The following GRAMD1B variants were observed in gnomAD, a reference collection of about 807,000 sequenced individuals.
GRAMD1B encodes protein Aster-B.
GRAMD1B carries 37 observed loss-of-function variants against 99.7 expected under a neutral mutation model. That is an observed-to-expected ratio of 0.37 (90% CI 0.29 to 0.49). The LOEUF (loss-of-function observed/expected upper bound fraction) is 0.49, where lower values mean the gene tolerates loss of function less well. Ranked by LOEUF, GRAMD1B falls within the 20% of genes least tolerant of loss-of-function variation. The pLI is 0.98. For missense variants in GRAMD1B, 888 were observed against 1,009.2 expected (o/e 0.88, Z 1.63); for synonymous variants, 427 against 387.6 (o/e 1.10, Z -1.19).
intron 1 of GRAMD1B, among the ~76,000 whole-genome samples, chr11:123,462,886 T>G (rs374597594): frequency 1.0e-4 from 5 of 48,006 alleles, no homozygotes; most frequent in Non-Finnish European, 1.2e-4. Flanking sequence ...AATAAAAAAA[T>G]AAATTAAAAA....
intron 1 of GRAMD1B, among the ~76,000 whole-genome samples, chr11:123,435,099 G>T (rs924087135): frequency 6.6e-6 from 1 of 152,200 alleles, no homozygotes; most frequent in Admixed American, 6.5e-5. Flanking sequence ...AAAGTATGAG[G>T]TTACATACTC....
chr11:123,363,843 A>T (rs958130673), intron 1 of GRAMD1B, among the ~76,000 whole-genome samples: 3 of 152,186 alleles, frequency 2.0e-5, no homozygotes, highest in Non-Finnish European at 4.4e-5. Context: ...AAAGCAGATG[A>T]TATTTTATTG....
At chr11:123,420,998 G>A (rs970975157) in intron 1 of GRAMD1B, among the ~76,000 whole-genome samples, 8 of 152,180 alleles carry the variant, frequency 5.3e-5, no homozygotes, top group African/African-American at 1.7e-4. Flanking sequence ...TTTTCATGTG[G>A]TTCAGGTCCT....
At chr11:123,464,226 C>T (rs972417243) in intron 1 of GRAMD1B, among the ~76,000 whole-genome samples, 17 of 151,974 alleles carry the variant, frequency 1.1e-4, no homozygotes, top group Non-Finnish European at 1.0e-4. Flanking sequence ...ATTGCTTGAG[C>T]CTGGGAGTTG....
At chr11:123,375,180 G>T (rs1946651292) in intron 1 of GRAMD1B, among the ~76,000 whole-genome samples, 1 of 152,128 alleles carries the variant, frequency 6.6e-6, no homozygotes, top group Non-Finnish European at 1.5e-5. Flanking sequence ...CTTCCTTAAG[G>T]TTATTTTTAC....
At chr11:123,548,323 T>TACACACACACAC (rs1288714416) in intron 2 of GRAMD1B, among the ~76,000 whole-genome samples, 9 of 100,522 alleles carry the variant, frequency 9.0e-5, no homozygotes, top group Non-Finnish European at 7.4e-5. Flanking sequence ...TATATATATA[T>TACACACACACAC]ATACACACAC....
At chr11:123,609,049 C>T (rs1237103091) in intron 12 of GRAMD1B, among the ~76,000 whole-genome samples, 2 of 152,084 alleles carry the variant, frequency 1.3e-5, no homozygotes, top group East Asian at 1.9e-4. Context: ...CACTCGATGC[C>T]GGCCCCTAAG....
intron 2 of GRAMD1B, among the ~76,000 whole-genome samples, chr11:123,545,865 C>T (rs772296628): frequency 2.0e-5 from 3 of 152,152 alleles, no homozygotes; most frequent in Non-Finnish European, 4.4e-5. Flanking sequence ...ACTAAATGAC[C>T]AGCAATTCTC....
intron 1 of GRAMD1B, among the ~76,000 whole-genome samples, chr11:123,423,325 T>C (rs1948524008): frequency 6.6e-6 from 1 of 151,582 alleles, no homozygotes; most frequent in South Asian, 2.1e-4. Flanking sequence ...CTCTCCTTTC[T>C]TCTCCCCTCC....
chr11:123,534,718 A>C (rs1943772998), intron 2 of GRAMD1B, among the ~76,000 whole-genome samples: 1 of 152,168 alleles, frequency 6.6e-6, no homozygotes, highest in African/African-American at 2.4e-5. Context: ...AAAAAAAATT[A>C]GCTGGGCATG....
At chr11:123,433,154 G>A (rs1012929651) in intron 1 of GRAMD1B, among the ~76,000 whole-genome samples, 10 of 151,980 alleles carry the variant, frequency 6.6e-5, no homozygotes, top group Non-Finnish European at 1.5e-4. Context: ...AGGCGGGAGG[G>A]TCACCTGAGG....
chr11:123,526,192 G>C (rs377481790), intron 2 of GRAMD1B: 17 of 1,603,526 alleles, frequency 1.1e-5, no homozygotes, highest in Middle Eastern at 1.7e-4. Flanking sequence ...GAGGGATAGG[G>C]CACCTTCCTC....
intron 1 of GRAMD1B, among the ~76,000 whole-genome samples, chr11:123,414,911 C>T (rs971330426): frequency 6.6e-6 from 1 of 152,086 alleles, no homozygotes; most frequent in African/African-American, 2.4e-5. Context: ...CGCCACCCCA[C>T]AACATTGACT....
chr11:123,604,633 G>A (rs1024978749), intron 9 of GRAMD1B, among the ~76,000 whole-genome samples: 3 of 152,144 alleles, frequency 2.0e-5, no homozygotes, highest in Admixed American at 6.5e-5. Flanking sequence ...TAGTGTTGTC[G>A]CTTAACCTCT....
At chr11:123,560,638 C>T (rs1488172627) in intron 2 of GRAMD1B, 3 of 472,108 alleles carry the variant, frequency 6.4e-6, no homozygotes, top group Non-Finnish European at 8.2e-6. Context: ...ACTGTTCCTA[C>T]CTAATGGCTT....
chr11:123,380,863 G>T (rs961906163), intron 1 of GRAMD1B, among the ~76,000 whole-genome samples: 4 of 152,092 alleles, frequency 2.6e-5, no homozygotes, highest in African/African-American at 9.7e-5. Context: ...AGACAGTTTG[G>T]TTTTTTTATG....
intron 1 of GRAMD1B, among the ~76,000 whole-genome samples, chr11:123,377,078 A>G (rs769159362): frequency 6.6e-6 from 1 of 152,214 alleles, no homozygotes; most frequent in Non-Finnish European, 1.5e-5. Context: ...CTAAAAGAAC[A>G]CAAGTATTGA....
At chr11:123,462,209 T>C (rs980046704) in intron 1 of GRAMD1B, among the ~76,000 whole-genome samples, 2 of 150,518 alleles carry the variant, frequency 1.3e-5, no homozygotes, top group Admixed American at 6.6e-5. Context: ...CCTCGTGATC[T>C]GCCCGCCTTG....
intron 2 of GRAMD1B, among the ~76,000 whole-genome samples, chr11:123,520,793 A>AG (rs1942135976): frequency 6.9e-6 from 1 of 145,270 alleles, no homozygotes; most frequent in Non-Finnish European, 1.5e-5. Flanking sequence ...AAAAAAAAAA[A>AG]GAAAGAAAGA....
Sources: allele counts gnomAD v4.1 joint callset (sites outside exome capture counted in the v4.1 genomes callset), GRCh38; gene constraint gnomAD v4.1.1; transcripts MANE v1.5; gene names NCBI Gene and HGNC (gene_info 2026-07-23, HGNC 2026-07-21).